B3GALT5: variants seen among roughly 807,000 people sequenced by gnomAD.
B3GALT5 encodes the protein UDP-Gal:betaGlcNAc beta 1,3-galactosyltransferase, polypeptide 5.
For synonymous variants in B3GALT5, 156 were observed against 158.6 expected (o/e 0.98, Z 0.12); for missense variants, 328 against 396.6 (o/e 0.83, Z 1.47).
chr21:39,645,683 G>C (rs1436163266), intron 1 of B3GALT5, among the ~76,000 whole-genome samples: 1 of 152,122 alleles, frequency 6.6e-6, no homozygotes, highest in Admixed American at 6.5e-5. Flanking sequence ...CTGGCTAAGA[G>C]GCAAATTGGG....
intron 2 of B3GALT5, among the ~76,000 whole-genome samples, chr21:39,649,341 C>T (rs2079372254): frequency 6.6e-6 from 1 of 152,184 alleles, no homozygotes; most frequent in South Asian, 2.1e-4. Context: ...TCAGCTTTCC[C>T]TCTGCACACC....
At chr21:39,657,952 G>A (rs1705922805) in intron 2 of B3GALT5, 1 of 1,219,698 alleles carries the variant, frequency 8.2e-7, no homozygotes, top group South Asian at 4.1e-5. Flanking sequence ...GTAAGGCAGA[G>A]CTAGCTTGTG....
rs1569212401 is a variant in B3GALT5 at position 39,639,404 on chromosome 21, CTTTCTTTCTT to C, written c.-391-6986_-391-6977del. Among the ~76,000 whole-genome samples the C allele has an allele frequency of 5.4e-3, 367 of 67,686 alleles. 3 individuals are homozygous for C. The highest frequency in any genetic ancestry group is 0.018 in the East Asian group (31 of 1,768). The allele number at this position is 67,686 out of a possible 152,430, so 44.4% of individuals were successfully genotyped here. A position where few individuals can be genotyped will look rare whatever the true frequency, so the allele number is the denominator to read the frequency against. On this transcript the variant is annotated intron_variant, in intron 1 of 3. Transcript: ENST00000684187. ...CTTCCTTCCTTCCTTCTTTCTTTTT[CTTTCTTTCTT>C]TCTTTCTTTCTTTCTTTCTTTCTTT...
chr21:39,634,354 C>T (rs1315966470), intron 1 of B3GALT5, among the ~76,000 whole-genome samples: 9 of 152,106 alleles, frequency 5.9e-5, no homozygotes, highest in Admixed American at 5.9e-4. Flanking sequence ...GCTCCCATGT[C>T]CCGATCCGAC....
At chr21:39,617,148 G>C (rs2079111115) in intron 1 of B3GALT5, among the ~76,000 whole-genome samples, 1 of 152,062 alleles carries the variant, frequency 6.6e-6, no homozygotes, top group African/African-American at 2.4e-5. Context: ...TCTTTTCCAT[G>C]TGTGTTTCCA....
chr21:39,615,676 T>G (rs756271358), intron 1 of B3GALT5, among the ~76,000 whole-genome samples: 1 of 152,248 alleles, frequency 6.6e-6, no homozygotes, highest in Non-Finnish European at 1.5e-5. Context: ...GCAAGTTACT[T>G]AATTTCCCTA....
At chr21:39,637,426 G>T (rs988770232) in intron 1 of B3GALT5, among the ~76,000 whole-genome samples, 2 of 152,236 alleles carry the variant, frequency 1.3e-5, no homozygotes, top group African/African-American at 4.8e-5. Context: ...ACCCTTGCTG[G>T]CATGAAACCA....
intron 1 of B3GALT5, among the ~76,000 whole-genome samples, chr21:39,633,678 A>G (rs943879480): frequency 6.6e-6 from 1 of 152,182 alleles, no homozygotes; most frequent in Non-Finnish European, 1.5e-5. Flanking sequence ...AATTCCTTCC[A>G]CAGAGAATGA....
intron 1 of B3GALT5, among the ~76,000 whole-genome samples, chr21:39,633,641 C>T (rs1276800071): frequency 6.6e-6 from 1 of 152,196 alleles, no homozygotes; most frequent in Non-Finnish European, 1.5e-5. Flanking sequence ...TTCAGTGGCT[C>T]AGGTTTCTCC....
Position 39,660,739 on chromosome 21 carries a change from C to A in B3GALT5, c.180C>A (p.Val60=). 1 of 1,546,242 alleles carries A rather than the reference C, an allele frequency of 6.5e-7. No individual in the cohort carries two copies. The highest frequency in any genetic ancestry group is 8.7e-7 in the Non-Finnish European group (1 of 1,147,552). The stretch of plus-strand genomic sequence containing the variant: ...GCAGGCAGACACCTCCCTTCCTCGT[C>A]CTGCTGGTGACCTCATCCCACAAAC... ...TDCRQTPPFL[V]LLVTSSHKQL... is the part of the protein sequence containing the mutation. The change falls in exon 4 of 4, where the codon GTC becomes GTA. Residue 60 remains valine (V), a synonymous_variant. Transcript: ENST00000684187.
chr21:39,623,184 A>G (rs111325382), intron 1 of B3GALT5, among the ~76,000 whole-genome samples: 7 of 37,432 alleles, frequency 1.9e-4, no homozygotes, highest in African/African-American at 7.3e-4. Context: ...TCTCTTTTCC[A>G]TCCATCCCTC....
intron 1 of B3GALT5, among the ~76,000 whole-genome samples, chr21:39,639,398 C>CT (rs762137403): frequency 1.3e-5 from 1 of 75,850 alleles, no homozygotes; most frequent in African/African-American, 5.0e-5. Context: ...TTCCTTCTTT[C>CT]TTTTTCTTTC....
Position 39,660,507 on chromosome 21 carries a change from T to C in B3GALT5, c.1-53T>C, listed in dbSNP as rs1022545879. ...CCACCTCAGCCTCCTAGCATAAAAC[T>C]AGACACATCCTCATGCTTTTGAGGT... is the stretch of plus-strand genomic sequence containing the variant. On this transcript the variant is annotated intron_variant, in intron 3 of 3. Transcript: ENST00000684187. 2.2e-6 allele frequency: 3 copies of C among 1,362,674 alleles called. No individual in the cohort carries two copies. The East Asian group carries it at 7.6e-5, about 35-fold the overall frequency. The allele number at this position is 1,362,674 out of a possible 1,614,324, so 84.4% of individuals were successfully genotyped here.
In B3GALT5 at chr21:39,670,981, G is replaced by C. The variant is rs2079622712; in HGVS notation, c.*9489G>C. The C allele has an allele frequency of 6.6e-6, 1 of 152,226 alleles. No homozygotes were observed. Among genetic ancestry groups the C allele is most frequent in the African/African-American group, 2.4e-5 (1 of 41,454 alleles). 9.4% of individuals were successfully genotyped at this position (152,226 alleles called of 1,614,324 possible). ...TTTATAGACAATAGAAATTAATCTG[G>C]CTCATGGTTCTAGAGGCTAGGAAGT... On this transcript the variant is annotated 3_prime_UTR_variant, in exon 4 of 4. Transcript: ENST00000684187.
intron 1 of B3GALT5, among the ~76,000 whole-genome samples, chr21:39,640,956 TGTC>T (rs976502787): frequency 5.9e-5 from 9 of 152,108 alleles, no homozygotes; most frequent in African/African-American, 2.2e-4. Context: ...CCCAGGCTGG[TGTC>T]GTCTCGAACT....
intron 1 of B3GALT5, among the ~76,000 whole-genome samples, chr21:39,623,768 G>A (rs914346386): frequency 5.3e-5 from 8 of 152,152 alleles, no homozygotes; most frequent in Non-Finnish European, 1.2e-4. Context: ...CTATGATGTG[G>A]AAGATAGGTT....
intron 1 of B3GALT5, among the ~76,000 whole-genome samples, chr21:39,616,556 G>A (rs1416155859): frequency 1.3e-5 from 2 of 151,956 alleles, no homozygotes; most frequent in Non-Finnish European, 2.9e-5. Flanking sequence ...TGGTATTTAT[G>A]CATATTTGCT....
At chr21:39,621,938 C>G (rs2079136383) in intron 1 of B3GALT5, among the ~76,000 whole-genome samples, 1 of 151,756 alleles carries the variant, frequency 6.6e-6, no homozygotes, top group Middle Eastern at 3.2e-3. Flanking sequence ...TTTTCTTTTT[C>G]TCACCTTTCA....
At chr21:39,650,754 C>G (rs867342224) in intron 2 of B3GALT5, among the ~76,000 whole-genome samples, 1 of 150,014 alleles carries the variant, frequency 6.7e-6, no homozygotes, top group Admixed American at 6.7e-5. Flanking sequence ...GATGGGGGAG[C>G]CGTTGAAATA....
Sources: gnomAD v4.1 joint callset for allele counts (sites outside exome capture counted in the v4.1 genomes callset) on GRCh38, gnomAD v4.1.1 for gene constraint, MANE v1.5 for transcripts, NCBI Gene and HGNC (gene_info 2026-07-23, HGNC 2026-07-21) for gene names.